Variants in ESR1 observed in about 807,000 individuals in gnomAD.
ESR1 encodes estrogen receptor.
A neutral mutation model predicts 52.7 loss-of-function variants in ESR1; 12 were observed. The observed-to-expected ratio is 0.23, with a 90% CI of 0.15 to 0.37. The LOEUF is 0.37. Ranked by LOEUF, ESR1 falls within the 10% of genes least tolerant of loss-of-function variation. The pLI is 1.00. For synonymous variants in ESR1, 305 were observed against 316.8 expected (o/e 0.96, Z 0.39); for missense variants, 584 against 779.7 (o/e 0.75, Z 2.99).
chr6:152,017,479 CAT>C (rs201380934), intron 5 of ESR1, among the ~76,000 whole-genome samples: 1,945 of 152,014 alleles, frequency 0.013, 22 homozygotes, highest in Middle Eastern at 0.048. Flanking sequence ...TGTGTGTGTC[CAT>C]GTGTGTGTAT....
At chr6:151,863,769 C>T (rs1175825197) in intron 2 of ESR1, among the ~76,000 whole-genome samples, 1 of 152,092 alleles carries the variant, frequency 6.6e-6, no homozygotes, top group Admixed American at 6.6e-5. Context: ...CATCTACAAC[C>T]ATCTGATCTT....
upstream of ESR1, among the ~76,000 whole-genome samples, chr6:151,689,221 T>G (rs922555271): frequency 7.7e-6 from 1 of 129,600 alleles, no homozygotes; most frequent in Non-Finnish European, 1.8e-5. Context: ...AAAGATTTAA[T>G]TAATTTAGAA....
At chr6:152,028,342 G>A (rs973729982) in intron 5 of ESR1, among the ~76,000 whole-genome samples, 2 of 152,182 alleles carry the variant, frequency 1.3e-5, no homozygotes, top group Non-Finnish European at 2.9e-5. Flanking sequence ...GAAGCAGAGC[G>A]AGGCATCGCC....
At chr6:151,900,792 G>C (rs781343258) in intron 3 of ESR1, among the ~76,000 whole-genome samples, 2 of 152,182 alleles carry the variant, frequency 1.3e-5, no homozygotes, top group Non-Finnish European at 2.9e-5. Flanking sequence ...CTGTGCTATG[G>C]GCTGTTTTCA....
At chr6:151,674,065 C>T (rs1490558358) in intron 1 of ESR1, among the ~76,000 whole-genome samples, 5 of 151,916 alleles carry the variant, frequency 3.3e-5, no homozygotes, top group African/African-American at 9.7e-5. Flanking sequence ...GGGGAATGTG[C>T]AGGTTTGTTA....
chr6:151,899,286 T>C (rs1284226252), intron 3 of ESR1, among the ~76,000 whole-genome samples: 3 of 122,406 alleles, frequency 2.5e-5, no homozygotes, highest in Non-Finnish European at 5.1e-5. Flanking sequence ...ACGGGGCGGC[T>C]GGCCGGGCGG....
chr6:151,921,591 C>A (rs1383561320), intron 3 of ESR1, among the ~76,000 whole-genome samples: 3 of 152,022 alleles, frequency 2.0e-5, no homozygotes. Context: ...TGCAACCTCG[C>A]CAGCATCTGT....
At chr6:151,823,957 C>G (rs1781034567) in intron 1 of ESR1, among the ~76,000 whole-genome samples, 1 of 152,076 alleles carries the variant, frequency 6.6e-6, no homozygotes, top group African/African-American at 2.4e-5. Flanking sequence ...TTTATAGCAG[C>G]ATGATTTATA....
chr6:151,912,443 G>T (rs1013350556), intron 3 of ESR1, among the ~76,000 whole-genome samples: 1 of 152,172 alleles, frequency 6.6e-6, no homozygotes, highest in Non-Finnish European at 1.5e-5. Context: ...AAAACAATTT[G>T]ATCATAGAGG....
At chr6:152,074,010 A>C (rs2048541601) in intron 6 of ESR1, among the ~76,000 whole-genome samples, 2 of 152,268 alleles carry the variant, frequency 1.3e-5, no homozygotes, top group Admixed American at 6.5e-5. Context: ...GCAAGTACAG[A>C]AAGTTCCCAT....
intron 3 of ESR1, among the ~76,000 whole-genome samples, chr6:151,899,281 G>A (rs1796144253): frequency 1.4e-5 from 2 of 138,626 alleles, no homozygotes; most frequent in Non-Finnish European, 1.6e-5. Context: ...CCCGGACGGG[G>A]CGGCTGGCCG....
chr6:151,741,777 C>T (rs966173735), intron 2 of ESR1, among the ~76,000 whole-genome samples: 5 of 152,262 alleles, frequency 3.3e-5, no homozygotes, highest in African/African-American at 4.8e-5. Flanking sequence ...CATCATCTCA[C>T]GTTGTTATCC....
At chr6:152,045,129 T>C (rs2128909305) in intron 5 of ESR1, among the ~76,000 whole-genome samples, 1 of 152,224 alleles carries the variant, frequency 6.6e-6, no homozygotes, top group East Asian at 1.9e-4. Context: ...TTGGAAGAAG[T>C]GGCAGTGTGG....
chr6:151,834,657 C>A (rs553259675), intron 1 of ESR1, among the ~76,000 whole-genome samples: 2 of 151,970 alleles, frequency 1.3e-5, no homozygotes, highest in Admixed American at 6.5e-5. Flanking sequence ...ATGTAACAAA[C>A]TTGCACATTC....
At chr6:152,044,597 T>A (rs1269993134) in intron 5 of ESR1, among the ~76,000 whole-genome samples, 1 of 152,226 alleles carries the variant, frequency 6.6e-6, no homozygotes, top group South Asian at 2.1e-4. Context: ...GCTGACAGCC[T>A]GAGGGCCCCT....
rs112975134 is a variant in ESR1, at chr6:151,950,381, G to A, written c.1096+5873G>A. Among the ~76,000 whole-genome samples the A allele has an allele frequency of 9.3e-4, 142 of 152,266 alleles. 2 individuals are homozygous for A. The highest frequency in any genetic ancestry group is 3.3e-3 in the African/African-American group (139 of 41,542). On this transcript the variant is annotated intron_variant, in intron 4 of 7. Transcript: ENST00000206249. ...GGGGGATTTGGCATGGAGAATGTGT[G>A]TTTTAAGTAATAGATAGATTATGAT...
At chr6:151,790,820 C>T (rs1021017517) in intron 2 of ESR1, among the ~76,000 whole-genome samples, 7 of 152,060 alleles carry the variant, frequency 4.6e-5, no homozygotes, top group South Asian at 4.1e-4. Flanking sequence ...TTATTGGCCA[C>T]GAACATCTGT....
intron 1 of ESR1, among the ~76,000 whole-genome samples, chr6:151,822,041 A>G (rs1259229684): frequency 6.6e-6 from 1 of 152,192 alleles, no homozygotes; most frequent in Non-Finnish European, 1.5e-5. Context: ...AGAGATATAT[A>G]TTTATCAGGA....
At chr6:151,861,343 T>C (rs1370650715) in intron 2 of ESR1, among the ~76,000 whole-genome samples, 1 of 151,224 alleles carries the variant, frequency 6.6e-6, no homozygotes, top group East Asian at 1.9e-4. Flanking sequence ...CACCAAATTA[T>C]TAATCAGTAG....
Sources: gnomAD v4.1 joint callset for allele counts (sites outside exome capture counted in the v4.1 genomes callset) on GRCh38, gnomAD v4.1.1 for gene constraint, MANE v1.5 for transcripts, NCBI Gene and HGNC (gene_info 2026-07-23, HGNC 2026-07-21) for gene names.